The following CYP4X1 variants were observed in gnomAD, a reference collection of about 807,000 sequenced individuals.
The protein encoded by CYP4X1 is cytochrome P450 family 4 subfamily X member 1.
In CYP4X1, 44 loss-of-function variants were observed where a neutral mutation model predicts 57.9. The observed-to-expected ratio is 0.76, with a 90% CI of 0.60 to 0.98. The LOEUF is 0.98. Among genes scored for constraint, CYP4X1 ranks in the 50% least tolerant of loss-of-function variants. CYP4X1 has a pLI of 0.00. For missense variants in CYP4X1, 532 were observed against 623.9 expected (o/e 0.85, Z 1.57); for synonymous variants, 227 against 228.6 (o/e 0.99, Z 0.06).
Position 47,033,241 on chromosome 1 carries a change from G to A in CYP4X1, c.365G>A (p.Gly122Glu). The part of the protein sequence containing the change: ...YLQKFSPPLL[G>E]KGLAALDGPK... ...GGTTTTCTGCCTTTTATTTCTCAAG[G>A]AAAAGGACTAGCGGCTCTAGACGGA... Residue 122 changes from glycine to glutamate, a missense_variant and splice_region_variant, in exon 4 of 12, where the codon GGA becomes GAA. Physicochemically the swap from Gly to Glu is moderately conservative, Grantham distance 98. Transcript: ENST00000371901. The A allele has an allele frequency of 6.2e-7, 1 of 1,610,852 alleles. No homozygotes were observed. The highest frequency in any genetic ancestry group is 2.2e-5 in the East Asian group (1 of 44,840).
chr1:47,030,051 T>C lies in CYP4X1; in HGVS notation c.239T>C (p.Phe80Ser). ...ATTATTGAAAAATACCCTCGTGCCT[T>C]CCCTTTCTGGATTGGGCCCTTTCAG... ...EEIIEKYPRA[F>S]PFWIGPFQAF... Residue 80 changes from phenylalanine (F) to serine (S), a missense_variant, in exon 2 of 12, where the codon TTC becomes TCC. Phe to Ser is a radical substitution (Grantham distance 155). Transcript: ENST00000371901. 1 of 1,614,154 alleles carries C rather than the reference T, an allele frequency of 6.2e-7. No homozygotes were observed. Among genetic ancestry groups the C allele is most frequent in the Non-Finnish European group, 8.5e-7 (1 of 1,180,014 alleles).
chr1:46,987,501 C>G, the CYP4X1 span, among the ~76,000 whole-genome samples: 1 of 152,140 alleles, frequency 6.6e-6, no homozygotes, highest in African/African-American at 2.4e-5. Flanking sequence ...CAAGGATATT[C>G]AGGACTTGAA....
At chr1:46,975,473 AG>A in the CYP4X1 span, among the ~76,000 whole-genome samples, 1 of 151,666 alleles carries the variant, frequency 6.6e-6, no homozygotes, top group African/African-American at 2.4e-5. Flanking sequence ...CTTTTCTTTA[AG>A]GGTGCTAAAT....
chr1:47,048,761 C>A, intron 10 of CYP4X1, 132 bp downstream of exon 10: 1 of 887,008 alleles, frequency 1.1e-6, no homozygotes, highest in Non-Finnish European at 1.7e-6. Context: ...AACATAAAAG[C>A]CAAAAGAAAT....
At chr1:46,984,748 A>G in the CYP4X1 span, among the ~76,000 whole-genome samples, 12 of 152,224 alleles carry the variant, frequency 7.9e-5, no homozygotes, top group Non-Finnish European at 1.8e-4. Flanking sequence ...CTATGCCACC[A>G]GGACCCTGGG....
chr1:46,965,985 A>G, the CYP4X1 span, among the ~76,000 whole-genome samples: 66 of 152,296 alleles, frequency 4.3e-4, no homozygotes, highest in Admixed American at 2.7e-3. Flanking sequence ...GTCTGACCAC[A>G]ATCTGGCAAG....
chr1:46,990,055 T>C, the CYP4X1 span, among the ~76,000 whole-genome samples: 11 of 152,344 alleles, frequency 7.2e-5, no homozygotes, highest in African/African-American at 2.2e-4. Flanking sequence ...AAATGGAATC[T>C]AGTTAAACTA....
At chr1:46,973,633 T>G in the CYP4X1 span, among the ~76,000 whole-genome samples, 4 of 151,916 alleles carry the variant, frequency 2.6e-5, no homozygotes, top group Non-Finnish European at 4.4e-5. Flanking sequence ...TCAGTGTAAA[T>G]TTGTTCATGG....
the CYP4X1 span, among the ~76,000 whole-genome samples, chr1:47,002,598 A>AG: frequency 1.3e-5 from 2 of 151,982 alleles, no homozygotes; most frequent in Admixed American, 1.3e-4. Context: ...CCTTTTTTGC[A>AG]TTTGTACTTC....
At chr1:47,041,035 G>A (rs899642882) in intron 8 of CYP4X1, among the ~76,000 whole-genome samples, 3 of 152,100 alleles carry the variant, frequency 2.0e-5, no homozygotes, top group African/African-American at 7.2e-5. Flanking sequence ...GTGAGATCAT[G>A]TGGAATTTGT....
the CYP4X1 span, among the ~76,000 whole-genome samples, chr1:46,973,588 T>G: frequency 6.6e-6 from 1 of 152,190 alleles, no homozygotes; most frequent in African/African-American, 2.4e-5. Flanking sequence ...GATATTTTAT[T>G]ACTGATTCAA....
chr1:47,022,436 G>A (rs564196827), upstream of CYP4X1, among the ~76,000 whole-genome samples: 142 of 151,950 alleles, frequency 9.3e-4, no homozygotes, highest in Non-Finnish European at 1.9e-3. Context: ...GATTACAGGC[G>A]CGCGCCACCA....
the CYP4X1 span, among the ~76,000 whole-genome samples, chr1:46,970,704 G>A: frequency 1.3e-5 from 2 of 152,306 alleles, no homozygotes; most frequent in Admixed American, 6.5e-5. Flanking sequence ...TTAACCACCA[G>A]ATAATAGTCT....
the CYP4X1 span, among the ~76,000 whole-genome samples, chr1:46,962,319 T>C: frequency 6.6e-6 from 1 of 152,076 alleles, no homozygotes; most frequent in African/African-American, 2.4e-5. Context: ...GGTTTCACCA[T>C]GTTGGTCAGG....
At chr1:47,044,518 GAATT>G (rs1644280384) in intron 8 of CYP4X1, among the ~76,000 whole-genome samples, 1 of 145,690 alleles carries the variant, frequency 6.9e-6, no homozygotes, top group African/African-American at 2.4e-5. Flanking sequence ...ACTAGAGATA[GAATT>G]AATTAACATA....
chr1:47,052,647 A>G (rs980373212), downstream of CYP4X1, among the ~76,000 whole-genome samples: 3 of 152,232 alleles, frequency 2.0e-5, no homozygotes, highest in African/African-American at 7.2e-5. Context: ...TATTGAAGAT[A>G]TCTCACATAC....
chr1:47,038,651 T>C lies in CYP4X1; in HGVS notation c.776-9T>C, dbSNP rs780420610. ...CACTTTGGTAATTGGAAACTATTTT[T>C]CTACCCAGATACAATAATCCAGGAA... On this transcript the variant is annotated splice_polypyrimidine_tract_variant and intron_variant, in intron 6 of 11. Transcript: ENST00000371901. The C allele has an allele frequency of 6.2e-5, 98 of 1,587,764 alleles. No homozygotes were observed. Among genetic ancestry groups the C allele is most frequent in the Non-Finnish European group, 8.4e-5 (98 of 1,168,160 alleles).
the CYP4X1 span, among the ~76,000 whole-genome samples, chr1:46,977,453 C>A: frequency 6.6e-6 from 1 of 151,982 alleles, no homozygotes; most frequent in Admixed American, 6.6e-5. Context: ...ATGAACAAAG[C>A]CTCCAAGAAA....
the CYP4X1 span, among the ~76,000 whole-genome samples, chr1:47,012,366 C>G: frequency 6.6e-6 from 1 of 152,058 alleles, no homozygotes; most frequent in African/African-American, 2.4e-5. Context: ...AATGAGAACA[C>G]TTGGACACAG....
Sources: gnomAD v4.1 joint callset for allele counts (sites outside exome capture counted in the v4.1 genomes callset) on GRCh38, gnomAD v4.1.1 for gene constraint, MANE v1.5 for transcripts, NCBI Gene and HGNC (gene_info 2026-07-23, HGNC 2026-07-21) for gene names.